Variants in FBLN7 observed in about 807,000 individuals in gnomAD.
FBLN7 encodes the protein fibulin-7.
In FBLN7, 31 loss-of-function variants were observed where a neutral mutation model predicts 44.0. That is an observed-to-expected ratio of 0.70 (90% CI 0.53 to 0.95). FBLN7 has a LOEUF of 0.95. Among genes scored for constraint, FBLN7 ranks in the 40% least tolerant of loss-of-function variants. The pLI is 0.00. For synonymous variants in FBLN7, 262 were observed against 253.4 expected, an observed-to-expected ratio of 1.03 and a Z score of -0.32; for missense variants, 573 against 618.5, an observed-to-expected ratio of 0.93 and a Z score of 0.78.
At chr2:112,242,296 C>T in the FBLN7 span, among the ~76,000 whole-genome samples, 2 of 152,166 alleles carry the variant, frequency 1.3e-5, no homozygotes. Flanking sequence ...AAGAATATTT[C>T]ATGACACTTG....
At position 112,182,774 on chromosome 2, in the gene FBLN7, A is replaced by G; in HGVS notation, c.671-17A>G. 6.3e-7 allele frequency: 1 copy of G among 1,581,732 alleles called. No individual in the cohort carries two copies. Among genetic ancestry groups the G allele is most frequent in the Non-Finnish European group, 8.6e-7 (1 of 1,165,138 alleles). On this transcript the variant is annotated splice_polypyrimidine_tract_variant and intron_variant, in intron 5 of 7. Coordinates refer to ENST00000331203, the MANE Select transcript of FBLN7 (RefSeq NM_153214.3). ...CTGCATGGCTCCTAAAGTCACAGTG[A>G]GCACTTCTGTCTGCAGACGTGAACG...
At chr2:112,214,451 T>C in the FBLN7 span, 1 of 152,048 alleles carries the variant, frequency 6.6e-6, no homozygotes, top group Non-Finnish European at 1.5e-5. Context: ...TTTCTCCTGG[T>C]TTGAATTTTT....
intron 1 of FBLN7, among the ~76,000 whole-genome samples, chr2:112,142,110 C>G (rs1680677139): frequency 6.6e-6 from 1 of 152,196 alleles, no homozygotes; most frequent in African/African-American, 2.4e-5. Context: ...CCAGGGGTCT[C>G]CCCTTCTCCA....
Position 112,181,785 on chromosome 2 carries a change from GCC to G in FBLN7, c.580_581del (p.Pro194AlafsTer35), listed in dbSNP as rs1188444913. ...CCGGCGACTCCGCCTTCAGCCGCGC[GCC>G]GCGCTGTGCGCAGGTGGAGCGGGCT... ...VAGDSAFSRA[P>X]RCAQVERAQH... On this transcript the variant is annotated frameshift_variant, in exon 5 of 8. Coordinates refer to ENST00000331203, the MANE Select transcript of FBLN7 (RefSeq NM_153214.3). LOFTEE classifies it high-confidence loss of function. 6.9e-7 allele frequency: 1 copy of G among 1,452,718 alleles called. No homozygotes were observed. The highest frequency in any genetic ancestry group is 2.6e-5 in the Admixed American group (1 of 39,036). 90.0% of individuals were successfully genotyped at this position (1,452,718 alleles called of 1,614,324 possible).
chr2:112,215,644 T>A, the FBLN7 span: 12 of 152,346 alleles, frequency 7.9e-5, no homozygotes, highest in African/African-American at 2.4e-4. Context: ...ATTTGTCTAA[T>A]AATAACCAAT....
At chr2:112,161,948 G>C (rs910698136) in intron 2 of FBLN7, among the ~76,000 whole-genome samples, 6 of 152,208 alleles carry the variant, frequency 3.9e-5, no homozygotes, top group African/African-American at 1.4e-4. Flanking sequence ...AGGGTGTGGT[G>C]GGGGTTGGGC....
chr2:112,161,720 T>C (rs1261100206), intron 2 of FBLN7, among the ~76,000 whole-genome samples: 2 of 152,232 alleles, frequency 1.3e-5, no homozygotes, highest in African/African-American at 2.4e-5. Context: ...AGAAAGGCAG[T>C]TATTATTACA....
At chr2:112,202,385 A>G in the FBLN7 span, among the ~76,000 whole-genome samples, 2 of 151,712 alleles carry the variant, frequency 1.3e-5, no homozygotes, top group East Asian at 1.9e-4. Flanking sequence ...TTCTATTTAT[A>G]TATACACTTC....
In FBLN7 at chr2:112,175,706, C is replaced by T. The variant is rs771624135; in HGVS notation, c.407-8C>T. 1.2e-6 allele frequency: 2 copies of T among 1,613,724 alleles called. No homozygotes were observed. Among genetic ancestry groups the T allele is most frequent in the South Asian group, 1.1e-5 (1 of 90,994 alleles). On this transcript the variant is annotated splice_polypyrimidine_tract_variant and splice_region_variant and intron_variant, in intron 3 of 7. Coordinates refer to ENST00000331203, the MANE Select transcript of FBLN7 (RefSeq NM_153214.3). ...ATCCGTATATTTGAAAATTATTTATCTTCCTAGGTATCAGTGAATGCTCCA... is the reference window on the plus strand; with the variant it reads ...ATCCGTATATTTGAAAATTATTTATTTTCCTAGGTATCAGTGAATGCTCCA...
intron 4 of FBLN7, among the ~76,000 whole-genome samples, chr2:112,179,602 G>T (rs919459651): frequency 6.6e-6 from 1 of 152,142 alleles, no homozygotes; most frequent in African/African-American, 2.4e-5. Context: ...ATACCACAAG[G>T]CTACAGTGAC....
intron 1 of FBLN7, among the ~76,000 whole-genome samples, chr2:112,158,640 T>C (rs947042504): frequency 1.5e-4 from 23 of 152,030 alleles, no homozygotes; most frequent in African/African-American, 5.6e-4. Flanking sequence ...GGTTTCACCA[T>C]GTTGGCCACG....
the FBLN7 span, among the ~76,000 whole-genome samples, chr2:112,197,274 C>CACACAG: frequency 7.7e-3 from 755 of 98,544 alleles, 4 homozygotes; most frequent in South Asian, 0.028. Context: ...CACACACACA[C>CACACAG]AGAGAGAGAG....
chr2:112,160,469 C>T (rs1247571019), intron 2 of FBLN7, among the ~76,000 whole-genome samples: 1 of 152,228 alleles, frequency 6.6e-6, no homozygotes, highest in Non-Finnish European at 1.5e-5. Flanking sequence ...TTGCAAGGCG[C>T]CACTTTTAGA....
At chr2:112,180,543 G>T (rs1307876061) in intron 4 of FBLN7, among the ~76,000 whole-genome samples, 1 of 152,120 alleles carries the variant, frequency 6.6e-6, no homozygotes, top group Non-Finnish European at 1.5e-5. Flanking sequence ...ACATGCACTC[G>T]AATATTTGTT....
the FBLN7 span, among the ~76,000 whole-genome samples, chr2:112,205,666 T>C: frequency 1.3e-5 from 2 of 152,164 alleles, no homozygotes; most frequent in African/African-American, 4.8e-5. Context: ...CTCTAATCCA[T>C]TAAGTTGATA....
At chr2:112,228,102 T>C in the FBLN7 span, among the ~76,000 whole-genome samples, 1 of 152,008 alleles carries the variant, frequency 6.6e-6, no homozygotes, top group African/African-American at 2.4e-5. Flanking sequence ...CATATAGAGG[T>C]CAATGGAACA....
the FBLN7 span, among the ~76,000 whole-genome samples, chr2:112,195,102 A>G: frequency 6.6e-6 from 1 of 152,264 alleles, no homozygotes; most frequent in East Asian, 1.9e-4. Flanking sequence ...TTTGTCACAA[A>G]GAGGATTTCC....
the FBLN7 span, among the ~76,000 whole-genome samples, chr2:112,200,019 G>A: frequency 6.6e-6 from 1 of 152,086 alleles, no homozygotes; most frequent in African/African-American, 2.4e-5. Context: ...CCCAGTCTGT[G>A]GTATTCTGTT....
chr2:112,188,951 GA>G (rs1683392452), downstream of FBLN7: 1 of 152,258 alleles, frequency 6.6e-6, no homozygotes, highest in South Asian at 2.1e-4. Context: ...TGCTGGGCCA[GA>G]AGCCTGCACA....
Sources: gnomAD v4.1 joint callset for allele counts (sites outside exome capture counted in the v4.1 genomes callset) on GRCh38, gnomAD v4.1.1 for gene constraint, MANE v1.5 for transcripts, NCBI Gene and HGNC (gene_info 2026-07-23, HGNC 2026-07-21) for gene names.